The following EXOC4 variants were observed in gnomAD, a reference collection of about 807,000 sequenced individuals.
EXOC4 encodes the protein exocyst complex component 4.
In EXOC4, 71 loss-of-function variants were observed where a neutral mutation model predicts 107.2. The ratio of observed to expected loss-of-function variants is 0.66; its 90% CI spans 0.55 to 0.81. EXOC4 has a LOEUF of 0.81. EXOC4 is among the 30% of genes least tolerant of loss of function. The probability of loss-of-function intolerance (pLI) is 0.00; values close to 1 mark genes in which losing one functional copy is unlikely to be tolerated. For synonymous variants in EXOC4, 456 were observed against 441.2 expected (o/e 1.03, Z -0.42); for missense variants, 1,108 against 1,189.6 (o/e 0.93, Z 1.01).
At chr7:133,534,269 A>G (rs1190364733) in intron 9 of EXOC4, among the ~76,000 whole-genome samples, 1 of 152,192 alleles carries the variant, frequency 6.6e-6, no homozygotes, top group East Asian at 1.9e-4. Flanking sequence ...GTACATTTGC[A>G]CAAATTTATG....
chr7:133,572,035 G>A (rs187260396), intron 9 of EXOC4, among the ~76,000 whole-genome samples: 1 of 152,202 alleles, frequency 6.6e-6, no homozygotes, highest in Non-Finnish European at 1.5e-5. Context: ...TGCTGGGAAG[G>A]TAGGCACAGG....
chr7:133,318,959 T>G (rs1382067978), intron 5 of EXOC4, among the ~76,000 whole-genome samples: 1 of 152,202 alleles, frequency 6.6e-6, no homozygotes, highest in African/African-American at 2.4e-5. Flanking sequence ...TGCTTTTGAG[T>G]TTTAACACTG....
chr7:133,877,844 T>C (rs988182370), intron 11 of EXOC4, among the ~76,000 whole-genome samples: 28 of 152,330 alleles, frequency 1.8e-4, no homozygotes, highest in African/African-American at 6.5e-4. Context: ...CACAGTAGAC[T>C]GTAGCTGCCT....
chr7:133,639,190 T>C (rs897594180), intron 10 of EXOC4, among the ~76,000 whole-genome samples: 1 of 152,106 alleles, frequency 6.6e-6, no homozygotes, highest in Admixed American at 6.6e-5. Flanking sequence ...TTCCTTTGAG[T>C]GTTGGCTATG....
intron 17 of EXOC4, among the ~76,000 whole-genome samples, chr7:134,023,131 AT>A (rs1332125651): frequency 6.6e-6 from 1 of 152,192 alleles, no homozygotes; most frequent in Non-Finnish European, 1.5e-5. Context: ...GTGCTTTTAC[AT>A]TGCAGTGATA....
At chr7:133,342,168 G>T (rs1459562949) in intron 5 of EXOC4, among the ~76,000 whole-genome samples, 1 of 151,372 alleles carries the variant, frequency 6.6e-6, no homozygotes, top group Non-Finnish European at 1.5e-5. Context: ...GTTCTGTTTT[G>T]TTGTATTTTC....
intron 9 of EXOC4, among the ~76,000 whole-genome samples, chr7:133,551,906 A>G: frequency 6.6e-6 from 1 of 152,204 alleles, no homozygotes. Context: ...CTATCACCTC[A>G]TTAACAGCAG....
intron 12 of EXOC4, among the ~76,000 whole-genome samples, chr7:133,898,412 G>A (rs143347014): frequency 6.4e-4 from 98 of 152,096 alleles, no homozygotes; most frequent in Middle Eastern, 6.8e-3. Flanking sequence ...TAGTACCAAC[G>A]TCTCATCTAC....
intron 17 of EXOC4, among the ~76,000 whole-genome samples, chr7:134,015,593 G>T (rs530300331): frequency 2.0e-5 from 3 of 152,200 alleles, no homozygotes; most frequent in African/African-American, 7.2e-5. Flanking sequence ...AAAGTGGTAG[G>T]GGGCTAGGCA....
At chr7:133,630,170 G>T (rs1438567198) in intron 10 of EXOC4, 29 bp downstream of exon 10, 2 of 1,497,374 alleles carry the variant, frequency 1.3e-6, no homozygotes, top group South Asian at 2.3e-5. Flanking sequence ...TATACTTACT[G>T]AAGATCAATA....
rs181282478 is a variant in EXOC4 at position 133,365,111 on chromosome 7, C to A, written c.1007+8538C>A. Reference sequence around the variant, plus strand: ...AAGCGTGAAAAGCAGCCACAGAGTGCCTGGATTTTAATTAGGTCACTTGAG... The same window carrying A: ...AAGCGTGAAAAGCAGCCACAGAGTGACTGGATTTTAATTAGGTCACTTGAG... On this transcript the variant is annotated intron_variant, in intron 6 of 17. Coordinates refer to ENST00000253861, the MANE Select transcript of EXOC4 (RefSeq NM_021807.4). 2.2e-4 allele frequency among the ~76,000 whole-genome samples: 33 copies of A among 152,170 alleles called. No individual in the cohort carries two copies. The East Asian group carries it at 6.4e-3, about 29-fold the overall frequency.
intron 2 of EXOC4, among the ~76,000 whole-genome samples, chr7:133,277,172 C>T (rs998492538): frequency 1.3e-5 from 2 of 152,164 alleles, no homozygotes; most frequent in Non-Finnish European, 2.9e-5. Context: ...TTTGCCTTTA[C>T]AAGTGCTGAG....
At chr7:133,478,698 G>A (rs1038849352) in intron 8 of EXOC4, among the ~76,000 whole-genome samples, 1 of 151,856 alleles carries the variant, frequency 6.6e-6, no homozygotes, top group Non-Finnish European at 1.5e-5. Flanking sequence ...CTTAGCTAAG[G>A]TTAATTAAGT....
At chr7:133,923,005 C>T (rs1585251419) in intron 13 of EXOC4, among the ~76,000 whole-genome samples, 1 of 150,694 alleles carries the variant, frequency 6.6e-6, no homozygotes, top group Non-Finnish European at 1.5e-5. Flanking sequence ...TTTTGATAAC[C>T]ATATATGTGC....
chr7:133,698,522 C>T (rs562440312), intron 10 of EXOC4, among the ~76,000 whole-genome samples: 2 of 148,846 alleles, frequency 1.3e-5, no homozygotes, highest in African/African-American at 5.0e-5. Context: ...GTTGAGGTTG[C>T]AGTGAGCCAA....
chr7:133,738,026 C>T (rs1373167997), intron 10 of EXOC4, among the ~76,000 whole-genome samples: 1 of 149,616 alleles, frequency 6.7e-6, no homozygotes, highest in African/African-American at 2.5e-5. Context: ...ATTCTGCTGC[C>T]TCAGCCTCCC....
chr7:133,709,771 C>T (rs1319859354), intron 10 of EXOC4, among the ~76,000 whole-genome samples: 3 of 149,940 alleles, frequency 2.0e-5, no homozygotes, highest in African/African-American at 7.4e-5. Flanking sequence ...GGATAAATGA[C>T]TTAATCTCTT....
At chr7:133,921,983 TG>T (rs1246298960) in intron 13 of EXOC4, among the ~76,000 whole-genome samples, 7 of 152,060 alleles carry the variant, frequency 4.6e-5, no homozygotes, top group Non-Finnish European at 1.0e-4. Context: ...GTTCTTTCCT[TG>T]GCCATATCCA....
intron 14 of EXOC4, among the ~76,000 whole-genome samples, chr7:133,974,417 C>G (rs1209742388): frequency 6.6e-6 from 1 of 152,176 alleles, no homozygotes; most frequent in Non-Finnish European, 1.5e-5. Flanking sequence ...CTAAAGAAAA[C>G]TATCCAAATT....
Sources: gnomAD v4.1 joint callset for allele counts (sites outside exome capture counted in the v4.1 genomes callset) on GRCh38, gnomAD v4.1.1 for gene constraint, MANE v1.5 for transcripts, NCBI Gene and HGNC (gene_info 2026-07-23, HGNC 2026-07-21) for gene names.